PPEF2: variants seen among roughly 807,000 people sequenced by gnomAD.
The protein encoded by PPEF2 is serine/threonine-protein phosphatase with EF-hands 2.
Under a neutral mutation model 84.7 loss-of-function variants are expected in PPEF2, and 84 were observed. The observed-to-expected ratio is 0.99, with a 90% CI of 0.83 to 1.19. The LOEUF is 1.19. Among genes scored for constraint, PPEF2 ranks in the 50% most tolerant of loss-of-function variants. The probability of loss-of-function intolerance (pLI) is 0.00; values close to 1 mark genes in which losing one functional copy is unlikely to be tolerated. For synonymous variants in PPEF2, 346 were observed against 345.2 expected (o/e 1.00, Z -0.03); for missense variants, 924 against 937.5 (o/e 0.99, Z 0.19).
chr4:75,875,346 C>T (rs1166121485), intron 11 of PPEF2, among the ~76,000 whole-genome samples: 2 of 152,144 alleles, frequency 1.3e-5, no homozygotes, highest in African/African-American at 4.8e-5. Flanking sequence ...CAGTGGCTCA[C>T]GTCTGTAATC....
At chr4:75,879,959 G>A (rs1385045233) in intron 10 of PPEF2, among the ~76,000 whole-genome samples, 1 of 151,972 alleles carries the variant, frequency 6.6e-6, no homozygotes, top group Non-Finnish European at 1.5e-5. Flanking sequence ...CTCCCGAGTA[G>A]CTGGGAGTAT....
intron 6 of PPEF2, among the ~76,000 whole-genome samples, chr4:75,887,789 A>G (rs1277296851): frequency 1.3e-5 from 2 of 152,218 alleles, no homozygotes; most frequent in Non-Finnish European, 2.9e-5. Context: ...CACTGGAAAC[A>G]TAAGATGGGG....
At position 75,860,514 on chromosome 4, in the gene PPEF2, C is replaced by T; in HGVS notation, c.*153G>A. 1.0e-6 allele frequency: 1 copy of T among 994,794 alleles called. No homozygotes were observed. The allele number at this position is 994,794 out of a possible 1,614,324, so 61.6% of individuals were successfully genotyped here. Reference sequence around the variant, plus strand: ...CACATACATACACAACACCCCAACCCACCCCTCCACACTGAAATACACAGG... The same window carrying T: ...CACATACATACACAACACCCCAACCTACCCCTCCACACTGAAATACACAGG... On this transcript the variant is annotated 3_prime_UTR_variant, in exon 17 of 17. Transcript: ENST00000286719.
chr4:75,863,965 C>T (rs1368641849), intron 16 of PPEF2, among the ~76,000 whole-genome samples: 1 of 151,462 alleles, frequency 6.6e-6, no homozygotes, highest in African/African-American at 2.4e-5. Context: ...CTCCGCCTCC[C>T]GGGTACAAGC....
chr4:75,873,041 C>G, intron 12 of PPEF2, 86 bp downstream of exon 12: 1 of 1,324,108 alleles, frequency 7.6e-7, no homozygotes, highest in East Asian at 2.3e-5. Flanking sequence ...TTGTTAGAAA[C>G]TGAGAGCCTT....
At chr4:75,877,532 G>A (rs776620045) in intron 10 of PPEF2, among the ~76,000 whole-genome samples, 115 of 152,226 alleles carry the variant, frequency 7.6e-4, no homozygotes, top group African/African-American at 2.4e-3. Flanking sequence ...AGTGCTGGTC[G>A]GTTCACTGTT....
chr4:75,887,675 G>T (rs887741338), intron 6 of PPEF2, among the ~76,000 whole-genome samples: 2 of 151,630 alleles, frequency 1.3e-5, no homozygotes, highest in African/African-American at 4.9e-5. Flanking sequence ...AAGACCATCT[G>T]CAGGCTGCAG....
intron 7 of PPEF2, among the ~76,000 whole-genome samples, chr4:75,886,461 TGCTTCTGGGTCAG>T (rs1724728462): frequency 6.6e-6 from 1 of 152,196 alleles, no homozygotes; most frequent in African/African-American, 2.4e-5. Context: ...GTAGATGACC[TGCTTCTGGGTCAG>T]GATTTCGCAC....
chr4:75,890,946 G>A (rs1482478001), intron 4 of PPEF2, among the ~76,000 whole-genome samples: 2 of 152,158 alleles, frequency 1.3e-5, no homozygotes, highest in Admixed American at 6.5e-5. Context: ...ACTTTGGGAG[G>A]CCGAGGCAGG....
chr4:75,884,320 C>T (rs921535969), intron 8 of PPEF2, among the ~76,000 whole-genome samples: 44 of 150,448 alleles, frequency 2.9e-4, no homozygotes, highest in African/African-American at 8.3e-4. Flanking sequence ...CCTGGCTACT[C>T]GGGAAGCTGA....
intron 8 of PPEF2, among the ~76,000 whole-genome samples, chr4:75,884,294 G>A (rs1300622114): frequency 6.6e-6 from 1 of 152,078 alleles, no homozygotes; most frequent in Non-Finnish European, 1.5e-5. Context: ...TGGGCATGGT[G>A]GTGCGTGCCT....
intron 11 of PPEF2, among the ~76,000 whole-genome samples, chr4:75,875,555 G>A (rs1724387288): frequency 6.6e-6 from 1 of 152,140 alleles, no homozygotes; most frequent in African/African-American, 2.4e-5. Flanking sequence ...GCTGCAGTGA[G>A]TCATGATCAT....
chr4:75,888,164 G>A, intron 6 of PPEF2, 50 bp downstream of exon 6: 1 of 1,358,134 alleles, frequency 7.4e-7, no homozygotes, highest in Non-Finnish European at 1.1e-6. Context: ...CACAGGTAGA[G>A]CATTCTTCTT....
chr4:75,878,465 A>G (rs748108971), intron 10 of PPEF2, among the ~76,000 whole-genome samples: 12 of 152,226 alleles, frequency 7.9e-5, no homozygotes, highest in Non-Finnish European at 1.5e-4. Context: ...ACTTTCTGCA[A>G]ATAGATCTAA....
chr4:75,900,471 G>C (rs1323379771), intron 1 of PPEF2, among the ~76,000 whole-genome samples: 1 of 152,166 alleles, frequency 6.6e-6, no homozygotes, highest in Admixed American at 6.5e-5. Context: ...AAAAGGATAT[G>C]TTTTCCTATG....
In PPEF2 at chr4:75,895,884, TA is replaced by T. The variant is rs34289743; in HGVS notation, c.55+386del. Among the ~76,000 whole-genome samples, 139 of 150,536 alleles carry T rather than the reference TA, an allele frequency of 9.2e-4. 2 individuals carry two copies. Among genetic ancestry groups the T allele is most frequent in the African/African-American group, 3.1e-3 (126 of 41,074 alleles). ...ACCCACAACTCCTGGCCTATTGTTTTAAAAAAAAAATTGTTAGATTGGCCAC... is the reference window on the plus strand; with the variant it reads ...ACCCACAACTCCTGGCCTATTGTTTTAAAAAAAAATTGTTAGATTGGCCAC... On this transcript the variant is annotated intron_variant, in intron 2 of 16. Transcript: ENST00000286719.
chr4:75,887,997 G>A (rs950866893), intron 6 of PPEF2, among the ~76,000 whole-genome samples: 1 of 152,194 alleles, frequency 6.6e-6, no homozygotes, highest in African/African-American at 2.4e-5. Context: ...GGAAAATAAA[G>A]CAGAGGCTGG....
At chr4:75,894,749 T>G (rs948250708) in intron 2 of PPEF2, among the ~76,000 whole-genome samples, 2 of 152,180 alleles carry the variant, frequency 1.3e-5, no homozygotes, top group Non-Finnish European at 2.9e-5. Flanking sequence ...CCTTGCGTGA[T>G]CTAATAAATC....
intron 1 of PPEF2, among the ~76,000 whole-genome samples, chr4:75,899,925 G>A (rs1039572254): frequency 1.3e-5 from 2 of 152,196 alleles, no homozygotes; most frequent in African/African-American, 4.8e-5. Context: ...AGTGTTTGAT[G>A]TGGGTGAGAA....
Sources: allele counts gnomAD v4.1 joint callset (sites outside exome capture counted in the v4.1 genomes callset), GRCh38; gene constraint gnomAD v4.1.1; transcripts MANE v1.5; gene names NCBI Gene and HGNC (gene_info 2026-07-23, HGNC 2026-07-21).